The following CDK5RAP3 variants were observed in gnomAD, a reference collection of about 807,000 sequenced individuals.
CDK5RAP3 encodes the protein CDK5 regulatory subunit associated protein 3, also known as CDK5 regulatory subunit-associated protein 3.
A neutral mutation model predicts 73.3 loss-of-function variants in CDK5RAP3; 58 were observed. The observed-to-expected ratio is 0.79, with a 90% CI of 0.64 to 0.98. The LOEUF is 0.98. Ranked by LOEUF, CDK5RAP3 falls within the 50% of genes least tolerant of loss-of-function variation. The pLI is 0.00. For synonymous variants in CDK5RAP3, 224 were observed against 247.5 expected (o/e 0.91, Z 0.89); for missense variants, 525 against 615.8 (o/e 0.85, Z 1.56).
upstream of CDK5RAP3, among the ~76,000 whole-genome samples, chr17:47,969,595 A>C (rs2036225376): frequency 1.4e-5 from 2 of 144,146 alleles, no homozygotes; most frequent in Admixed American, 7.0e-5. Context: ...GAAAAGGCAT[A>C]CCCAGCGCTG....
intron 5 of CDK5RAP3, 195 bp from the exon 6 acceptor site, chr17:47,974,964 T>C (rs2036363303): frequency 6.9e-7 from 1 of 1,449,212 alleles, no homozygotes; most frequent in Non-Finnish European, 9.1e-7. Context: ...ATGATAAATG[T>C]TATTGTCGCT....
At chr17:47,972,267 C>A (rs1426165212) in intron 2 of CDK5RAP3, among the ~76,000 whole-genome samples, 1 of 152,182 alleles carries the variant, frequency 6.6e-6, no homozygotes, top group Admixed American at 6.5e-5. Context: ...AAGGCCTCTT[C>A]ATCTGATCAC....
In CDK5RAP3 at chr17:47,980,741, T is replaced by A. The variant is rs145060685; in HGVS notation, c.1226T>A (p.Ile409Asn). The A allele has an allele frequency of 6.2e-7, 1 of 1,614,088 alleles. No individual in the cohort carries two copies. Among genetic ancestry groups the A allele is most frequent in the African/African-American group, 1.3e-5 (1 of 74,924 alleles). The change falls in exon 12 of 14, where the codon ATT becomes AAT. Residue 409 changes from isoleucine to asparagine, a missense_variant. Ile to Asn is a moderately radical substitution (Grantham distance 149, BLOSUM62 -3). Transcript: ENST00000338399. ...ATGGTGTCAGTGCTGGAGGATCTGATTGGCAAGCTTACCAGTCTTCAGCTG... is the reference window on the plus strand; with the variant it reads ...ATGGTGTCAGTGCTGGAGGATCTGAATGGCAAGCTTACCAGTCTTCAGCTG... ...VTMVSVLEDL[I>N]GKLTSLQLQH...
chr17:47,975,114 C>G (rs752814204), intron 5 of CDK5RAP3, 45 bp from the exon 6 acceptor site: 1 of 1,613,810 alleles, frequency 6.2e-7, no homozygotes. Context: ...GCATGCCTGC[C>G]TCATGTGGGG....
chr17:47,974,169 T>C (rs549679445), intron 4 of CDK5RAP3, 138 bp downstream of exon 4: 1 of 729,316 alleles, frequency 1.4e-6, no homozygotes, highest in South Asian at 1.7e-5. Flanking sequence ...GTCTCTATAG[T>C]TTACTCCAAA....
At chr17:47,978,538 G>A (rs1428442057) in intron 10 of CDK5RAP3, 1 of 394,288 alleles carries the variant, frequency 2.5e-6, no homozygotes, top group Non-Finnish European at 4.7e-6. Flanking sequence ...GCCACTAGAG[G>A]GCGGTGCAGG....
In CDK5RAP3 at chr17:47,972,546, C is replaced by CG. The variant is rs766644816; in HGVS notation, c.53-968dup. Among the ~76,000 whole-genome samples, 5 of 152,078 alleles carry CG rather than the reference C, an allele frequency of 3.3e-5. 1 individual carries two copies. The highest frequency in any genetic ancestry group is 4.2e-4 in the South Asian group (2 of 4,818). Reference sequence around the variant, plus strand: ...TTTAGTCAGTCCTGCTTGGTGGTCACGGGGGAAGCTTCTTTAGCCTCCCTT... The same window carrying CG: ...TTTAGTCAGTCCTGCTTGGTGGTCACGGGGGGAAGCTTCTTTAGCCTCCCTT... On this transcript the variant is annotated intron_variant, in intron 2 of 13. Transcript: ENST00000338399.
chr17:47,968,288 C>T (rs972242641), upstream of CDK5RAP3, among the ~76,000 whole-genome samples: 5 of 151,970 alleles, frequency 3.3e-5, no homozygotes, highest in Non-Finnish European at 7.4e-5. Context: ...TTTTTCAATC[C>T]GTTCTATAAT....
At chr17:47,970,399 C>T (rs1326162828), upstream of CDK5RAP3, 3 of 475,120 alleles carry the variant, frequency 6.3e-6, no homozygotes, top group African/African-American at 4.0e-5. Flanking sequence ...AATTACGTTG[C>T]CCGTCCTGCC....
chr17:47,970,880 TC>T, upstream of CDK5RAP3: 1 of 1,426,072 alleles, frequency 7.0e-7, no homozygotes, highest in Non-Finnish European at 9.3e-7. Flanking sequence ...GCGCACCCCC[TC>T]CCGTCCCCTG....
chr17:47,970,942 T>C, upstream of CDK5RAP3: 6 of 1,452,550 alleles, frequency 4.1e-6, no homozygotes, highest in Middle Eastern at 2.5e-4. Context: ...CTCCCGCCCC[T>C]CCCGAGCTCA....
At chr17:47,980,541 G>C in intron 11 of CDK5RAP3, 52 bp from the exon 12 acceptor site, 1 of 1,544,818 alleles carries the variant, frequency 6.5e-7, no homozygotes, top group Middle Eastern at 2.3e-4. Context: ...TGCTGGAATT[G>C]CAAGTGTGAG....
At position 47,975,634 on chromosome 17, in the gene CDK5RAP3, G is replaced by A. The variant is rs779473195; in HGVS notation, c.634G>A (p.Val212Met). 5.0e-6 allele frequency: 8 copies of A among 1,602,988 alleles called. No individual in the cohort carries two copies. The highest frequency in any genetic ancestry group is 6.8e-6 in the Non-Finnish European group (8 of 1,178,552). Residue 212 changes from valine (V) to methionine (M), a missense_variant, in exon 7 of 14, where the codon GTG becomes ATG. Physicochemically the swap from Val to Met is conservative, Grantham distance 21. This residue lies in a region of CDK5RAP3 where 409 missense variants were observed against 429.8 expected (regional missense o/e 0.95). Coordinates refer to ENST00000338399, the MANE Select transcript of CDK5RAP3 (RefSeq NM_176096.3). ...AGCCATTGACGTGTACCAGGCGTCT[G>A]TGGGGTTTGTGTGTGAGAGGTAGAG... is the stretch of plus-strand genomic sequence containing the variant. ...GEAIDVYQAS[V>M]GFVCESPTEQ...
In CDK5RAP3 at chr17:47,975,578, T is replaced by C. The variant is rs780584998; in HGVS notation, c.578T>C (p.Ile193Thr). Residue 193 changes from isoleucine (I) to threonine (T), a missense_variant, in exon 7 of 14, where the codon ATT (isoleucine) becomes ACT (threonine). Ile to Thr is a moderately conservative substitution (Grantham distance 89). This residue lies in a region of CDK5RAP3 where 409 missense variants were observed against 429.8 expected (regional missense o/e 0.95). Transcript: ENST00000338399. Reference sequence around the variant, plus strand: ...GACCTGCCGAGTCAGCTGGCTGAGATTGGGGCAGCGGCTCAGCAGTCCCTG... The same window carrying C: ...GACCTGCCGAGTCAGCTGGCTGAGACTGGGGCAGCGGCTCAGCAGTCCCTG... ...VKDLPSQLAEIGAAAQQSLGE... is the reference protein window; with the variant it reads ...VKDLPSQLAETGAAAQQSLGE... 8 of 1,610,402 alleles carry C rather than the reference T, an allele frequency of 5.0e-6. No individual in the cohort carries two copies. Among genetic ancestry groups the C allele is most frequent in the East Asian group, 2.2e-5 (1 of 44,880 alleles).
intron 2 of CDK5RAP3, among the ~76,000 whole-genome samples, chr17:47,971,652 C>CG (rs1405274548): frequency 6.6e-6 from 1 of 152,142 alleles, no homozygotes; most frequent in African/African-American, 2.4e-5. Flanking sequence ...CATTCAGGGA[C>CG]AGGATAAATG....
At chr17:47,975,459 G>C in intron 6 of CDK5RAP3, 55 bp from the exon 7 acceptor site, 8 of 1,609,176 alleles carry the variant, frequency 5.0e-6, no homozygotes, top group Non-Finnish European at 1.7e-6. Context: ...ACTTTTCTTC[G>C]GTCTTTGGAT....
chr17:47,969,890 C>T (rs920681792), upstream of CDK5RAP3, among the ~76,000 whole-genome samples: 4 of 152,336 alleles, frequency 2.6e-5, no homozygotes, highest in Non-Finnish European at 5.9e-5. Context: ...TCCTGCATCC[C>T]TGTCTCAGGT....
At chr17:47,978,470 G>T in intron 10 of CDK5RAP3, 1 of 251,208 alleles carries the variant, frequency 4.0e-6, no homozygotes, top group East Asian at 9.9e-5. Flanking sequence ...GGGGATCGGG[G>T]CCCTGGAGTG....
chr17:47,971,499 A>G (rs1265087372), intron 2 of CDK5RAP3, 92 bp downstream of exon 2: 6 of 1,247,290 alleles, frequency 4.8e-6, no homozygotes, highest in Admixed American at 2.6e-5. Context: ...GACCCCTGAA[A>G]GCCTGAGTCG....
Sources: gnomAD v4.1 joint callset for allele counts (sites outside exome capture counted in the v4.1 genomes callset) on GRCh38, gnomAD v4.1.1 for gene constraint, gnomAD v4.1.1 regional missense constraint, MANE v1.5 for transcripts, NCBI Gene and HGNC (gene_info 2026-07-23, HGNC 2026-07-21) for gene names.